Variants in COP1 observed in about 807,000 individuals in gnomAD.
COP1 encodes COP1 E3 ubiquitin ligase.
Under a neutral mutation model 101.3 loss-of-function variants are expected in COP1, and 24 were observed. The ratio of observed to expected loss-of-function variants is 0.24; its 90% CI spans 0.17 to 0.33. The LOEUF (loss-of-function observed/expected upper bound fraction) is 0.33. Among genes scored for constraint, COP1 ranks in the 10% least tolerant of loss-of-function variants. COP1 has a pLI of 1.00. For missense variants in COP1, 663 were observed against 906.2 expected, an observed-to-expected ratio of 0.73 and a Z score of 3.45; for synonymous variants, 347 against 341.9, an observed-to-expected ratio of 1.01 and a Z score of -0.17.
intron 8 of COP1, among the ~76,000 whole-genome samples, chr1:176,117,053 A>C (rs1208077886): frequency 6.6e-6 from 1 of 152,168 alleles, no homozygotes; most frequent in African/African-American, 2.4e-5. Flanking sequence ...ATGCAATCAA[A>C]ATCTATGGTT....
rs149262829 is a variant in COP1, at chr1:176,133,142, G to A, written c.968+1868C>T. ...ATACTATATATACCCATACACATAC[G>A]TATATACGTACATATATATACGTAT... On this transcript the variant is annotated intron_variant, in intron 8 of 19. Coordinates refer to ENST00000367669, the MANE Select transcript of COP1 (RefSeq NM_022457.7). 8.2e-3 allele frequency among the ~76,000 whole-genome samples: 1,128 copies of A among 137,392 alleles called. 8 individuals carry two copies. The highest frequency in any genetic ancestry group is 0.015 in the Non-Finnish European group (922 of 61,462). The allele number at this position is 137,392 out of a possible 152,430, so 90.1% of individuals were successfully genotyped here. A position where few individuals can be genotyped will look rare whatever the true frequency, so the allele number is the denominator to read the frequency against.
chr1:176,145,517 T>C (rs1384585218), intron 6 of COP1, among the ~76,000 whole-genome samples: 1 of 152,206 alleles, frequency 6.6e-6, no homozygotes, highest in Non-Finnish European at 1.5e-5. Context: ...ACATTCCATA[T>C]AAATATGTAT....
At chr1:176,012,193 G>A (rs1049899338) in intron 15 of COP1, among the ~76,000 whole-genome samples, 3 of 152,182 alleles carry the variant, frequency 2.0e-5, no homozygotes, top group South Asian at 4.1e-4. Flanking sequence ...GAGAACAGTG[G>A]TGCAATAATG....
chr1:176,111,418 T>C (rs1685266523), intron 9 of COP1, among the ~76,000 whole-genome samples: 2 of 151,998 alleles, frequency 1.3e-5, no homozygotes. Context: ...CTCAGCCTCC[T>C]GAGCAGCTGG....
At chr1:176,163,770 AC>A in intron 4 of COP1, 44 bp downstream of exon 4, 1 of 1,241,250 alleles carries the variant, frequency 8.1e-7, no homozygotes, top group Non-Finnish European at 1.1e-6. Flanking sequence ...AATAAAAACA[AC>A]AAAATGAAAT....
rs117625501 is a variant in COP1, at chr1:176,077,278, G to A, written c.1277+3874C>T. On this transcript the variant is annotated intron_variant, in intron 11 of 19. Coordinates refer to ENST00000367669, the MANE Select transcript of COP1 (RefSeq NM_022457.7). Reference sequence around the variant, plus strand: ...CAAAATACTTGTAAGCTGAATCCAGGAGCACATCAAAAGTTAATTTGCCAC... The same window carrying A: ...CAAAATACTTGTAAGCTGAATCCAGAAGCACATCAAAAGTTAATTTGCCAC... Among the ~76,000 whole-genome samples, 157 of 151,838 alleles carry A rather than the reference G, an allele frequency of 1.0e-3. No homozygotes were observed. The East Asian group carries it at 0.018, about 17-fold the overall frequency.
In COP1 at chr1:176,044,420, G is replaced by T. The variant is rs1374066112; in HGVS notation, c.1422-602C>A. On this transcript the variant is annotated intron_variant, in intron 12 of 19. Transcript: ENST00000367669. ...AAAACTTCTGCTGAGATACATATCT[G>T]CATCACGCATATAGTAAAGGGAATG... Among the ~76,000 whole-genome samples, 5 of 152,320 alleles carry T rather than the reference G, an allele frequency of 3.3e-5. No individual in the cohort carries two copies. The East Asian group carries it at 7.7e-4, about 23-fold the overall frequency.
chr1:176,114,705 A>T (rs1295080877), intron 9 of COP1, among the ~76,000 whole-genome samples: 1 of 152,034 alleles, frequency 6.6e-6, no homozygotes, highest in Non-Finnish European at 1.5e-5. Context: ...CTCCCACCTT[A>T]GCCTCCCAAG....
chr1:176,022,218 T>C (rs1388051890), intron 15 of COP1, among the ~76,000 whole-genome samples: 2 of 152,200 alleles, frequency 1.3e-5, no homozygotes, highest in African/African-American at 4.8e-5. Context: ...GAAACAAACT[T>C]ATTGTAACAA....
intron 1 of COP1, among the ~76,000 whole-genome samples, chr1:176,192,944 A>G (rs1454158044): frequency 6.6e-6 from 1 of 152,224 alleles, no homozygotes; most frequent in Non-Finnish European, 1.5e-5. Context: ...TTTAAAATAT[A>G]GTACCAATTA....
At chr1:176,015,634 G>A (rs1189602410) in intron 15 of COP1, among the ~76,000 whole-genome samples, 1 of 152,204 alleles carries the variant, frequency 6.6e-6, no homozygotes, top group Non-Finnish European at 1.5e-5. Flanking sequence ...CCTGGTTACA[G>A]TAATGGCTTG....
rs1035262203 is a variant in COP1, at chr1:176,066,465, A to T, written c.1277+14687T>A. Among the ~76,000 whole-genome samples the T allele has an allele frequency of 5.3e-5, 8 of 152,138 alleles. No individual in the cohort carries two copies. The South Asian group carries it at 6.2e-4, about 12-fold the overall frequency. On this transcript the variant is annotated intron_variant, in intron 11 of 19. Transcript: ENST00000367669. ...CCTTCCAGTGATAAAATGGGCAAAG[A>T]CTTTGCCCATTTTATCCTAATTGTA...
chr1:176,066,677 TCA>T (rs1376217248), intron 11 of COP1, among the ~76,000 whole-genome samples: 2 of 152,194 alleles, frequency 1.3e-5, no homozygotes, highest in Non-Finnish European at 1.5e-5. Flanking sequence ...TGCAGGTCAA[TCA>T]CCAAGATGAA....
chr1:176,164,587 A>G (rs577002600), intron 3 of COP1, among the ~76,000 whole-genome samples: 6 of 152,298 alleles, frequency 3.9e-5, no homozygotes, highest in African/African-American at 1.4e-4. Context: ...TGCCTTCATA[A>G]GGGGATGATA....
At chr1:176,109,489 A>T (rs1000829529) in intron 9 of COP1, among the ~76,000 whole-genome samples, 1 of 152,168 alleles carries the variant, frequency 6.6e-6, no homozygotes, top group African/African-American at 2.4e-5. Context: ...CAGCAGTCTT[A>T]GAGTACATTT....
chr1:176,016,998 C>T (rs1665779107), intron 15 of COP1, among the ~76,000 whole-genome samples: 1 of 151,972 alleles, frequency 6.6e-6, no homozygotes, highest in African/African-American at 2.4e-5. Flanking sequence ...ATTTCTAGTA[C>T]AACAAATAAT....
chr1:176,184,780 A>G, intron 1 of COP1, 88 bp from the exon 2 acceptor site: 5 of 867,816 alleles, frequency 5.8e-6, no homozygotes, highest in South Asian at 4.6e-5. Context: ...CAATGAAATC[A>G]TATTTCAATA....
intron 6 of COP1, among the ~76,000 whole-genome samples, chr1:176,144,985 CTAAGTA>C (rs1691342205): frequency 6.6e-6 from 1 of 152,020 alleles, no homozygotes; most frequent in Non-Finnish European, 1.5e-5. Context: ...ACAAAACACA[CTAAGTA>C]TAACAGATAA....
At chr1:176,105,549 A>C (rs900601870) in intron 9 of COP1, among the ~76,000 whole-genome samples, 2 of 152,190 alleles carry the variant, frequency 1.3e-5, no homozygotes, top group Non-Finnish European at 2.9e-5. Context: ...TGATCGTGAC[A>C]GCTAGGTTTC....
Sources: allele counts gnomAD v4.1 joint callset (sites outside exome capture counted in the v4.1 genomes callset), GRCh38; gene constraint gnomAD v4.1.1; transcripts MANE v1.5; gene names NCBI Gene and HGNC (gene_info 2026-07-23, HGNC 2026-07-21).